The following SORCS1 variants were observed in gnomAD, a reference collection of about 807,000 sequenced individuals.
The protein encoded by SORCS1 is sortilin related VPS10 domain containing receptor 1.
In SORCS1, 60 loss-of-function variants were observed where a neutral mutation model predicts 146.1. The observed-to-expected ratio is 0.41, with a 90% CI of 0.33 to 0.51. The LOEUF (loss-of-function observed/expected upper bound fraction) is 0.51. Among genes scored for constraint, SORCS1 ranks in the 20% least tolerant of loss-of-function variants. The pLI is 0.21. For missense variants in SORCS1, 1,352 were observed against 1,487.6 expected (o/e 0.91, Z 1.50); for synonymous variants, 637 against 584.0 (o/e 1.09, Z -1.31).
At chr10:106,802,168 G>A (rs948574280) in intron 3 of SORCS1, among the ~76,000 whole-genome samples, 1 of 152,136 alleles carries the variant, frequency 6.6e-6, no homozygotes, top group African/African-American at 2.4e-5. Context: ...GTCCCAAAAA[G>A]AGCATACATA....
intron 2 of SORCS1, among the ~76,000 whole-genome samples, chr10:106,947,177 A>T (rs1466885897): frequency 1.3e-5 from 2 of 152,250 alleles, no homozygotes; most frequent in Admixed American, 1.3e-4. Context: ...AAGCCTGGGG[A>T]AATCTGCAAA....
At chr10:106,871,388 G>A (rs189525810) in intron 2 of SORCS1, among the ~76,000 whole-genome samples, 1 of 152,232 alleles carries the variant, frequency 6.6e-6, no homozygotes, top group Non-Finnish European at 1.5e-5. Flanking sequence ...CCATTACTGG[G>A]AATCCCATTA....
At chr10:106,819,278 TA>T (rs1469820849) in intron 3 of SORCS1, among the ~76,000 whole-genome samples, 4 of 152,212 alleles carry the variant, frequency 2.6e-5, no homozygotes, top group Non-Finnish European at 5.9e-5. Flanking sequence ...TGCAGGGGTT[TA>T]CAACAAATAA....
chr10:106,688,203 G>A lies in SORCS1; in HGVS notation c.1549C>T (p.His517Tyr). ...PDTDLRGDPV[H>Y]CLLPYCSLHL... The stretch of plus-strand genomic sequence containing the variant: ...ATAGGAAGACTCACCAGCAAGCAGT[G>A]CACGGGGTCCCCCCTTAGATCCGTG... The change falls in exon 10 of 26, where the codon CAC becomes TAC. Residue 517 changes from histidine (H) to tyrosine (Y), a missense_variant. Physicochemically the swap from His to Tyr is moderately conservative, Grantham distance 83 (BLOSUM62 2). Transcript: ENST00000263054. The A allele has an allele frequency of 6.2e-7, 1 of 1,613,654 alleles. No individual in the cohort carries two copies. The highest frequency in any genetic ancestry group is 8.5e-7 in the Non-Finnish European group (1 of 1,179,760).
intron 1 of SORCS1, among the ~76,000 whole-genome samples, chr10:106,968,102 C>T (rs560567250): frequency 5.9e-4 from 90 of 151,288 alleles, no homozygotes; most frequent in Admixed American, 1.4e-3. Context: ...CCCAGTTACT[C>T]GGGAGGCTGA....
chr10:106,728,521 T>C (rs1564904652), intron 6 of SORCS1, among the ~76,000 whole-genome samples: 2 of 152,092 alleles, frequency 1.3e-5, no homozygotes, highest in Non-Finnish European at 2.9e-5. Context: ...TCAGCCTTGA[T>C]CCCTAACCTG....
chr10:106,840,111 T>G (rs567824893), intron 2 of SORCS1, among the ~76,000 whole-genome samples: 4 of 152,350 alleles, frequency 2.6e-5, no homozygotes, highest in African/African-American at 9.6e-5. Flanking sequence ...TTAAGTAGTA[T>G]TATTTAAGAA....
In SORCS1 at chr10:106,895,214, G is replaced by T. The variant is rs75432862; in HGVS notation, c.626+61299C>A. 3.2e-3 allele frequency among the ~76,000 whole-genome samples: 485 copies of T among 152,236 alleles called. 3 individuals are homozygous for T. Among genetic ancestry groups the T allele is most frequent in the African/African-American group, 0.011 (455 of 41,554 alleles). Reference sequence around the variant, plus strand: ...GTTTTGAAACATCTGGAATTCCTAGGAAATGATATGAAACAGCTGTGCTAG... The same window carrying T: ...GTTTTGAAACATCTGGAATTCCTAGTAAATGATATGAAACAGCTGTGCTAG... On this transcript the variant is annotated intron_variant, in intron 2 of 25. Transcript: ENST00000263054.
At chr10:107,088,216 TTG>T (rs1963913686) in intron 1 of SORCS1, among the ~76,000 whole-genome samples, 8 of 152,028 alleles carry the variant, frequency 5.3e-5, no homozygotes, top group Admixed American at 5.2e-4. Context: ...AGGCTTGATT[TTG>T]TTGTTGTTGT....
intron 1 of SORCS1, among the ~76,000 whole-genome samples, chr10:106,981,678 C>A (rs1298247190): frequency 5.9e-5 from 9 of 152,028 alleles, no homozygotes; most frequent in Admixed American, 5.9e-4. Context: ...TTTTTCTCGT[C>A]TCCAACAATA....
chr10:106,920,665 A>G (rs1952669024), intron 2 of SORCS1, among the ~76,000 whole-genome samples: 1 of 152,148 alleles, frequency 6.6e-6, no homozygotes, highest in South Asian at 2.1e-4. Context: ...AAAGCAAGAG[A>G]GAAAAGCGTG....
chr10:106,945,988 A>G (rs554201430), intron 2 of SORCS1, among the ~76,000 whole-genome samples: 1 of 152,314 alleles, frequency 6.6e-6, no homozygotes, highest in South Asian at 2.1e-4. Flanking sequence ...AGCTCTGTGG[A>G]AATAACAGAT....
At chr10:106,965,429 T>C (rs778360778) in intron 1 of SORCS1, among the ~76,000 whole-genome samples, 14 of 152,186 alleles carry the variant, frequency 9.2e-5, no homozygotes, top group Non-Finnish European at 1.8e-4. Context: ...AGGTGGGTTC[T>C]GCCAGCAAAG....
At chr10:107,108,801 C>A (rs1449454241) in intron 1 of SORCS1, among the ~76,000 whole-genome samples, 2 of 152,040 alleles carry the variant, frequency 1.3e-5, no homozygotes, top group African/African-American at 2.4e-5. Flanking sequence ...TACTTATGAG[C>A]CTGTAACATA....
chr10:106,998,831 G>T (rs944059076), intron 1 of SORCS1, among the ~76,000 whole-genome samples: 33 of 152,174 alleles, frequency 2.2e-4, no homozygotes, highest in African/African-American at 8.0e-4. Flanking sequence ...ACTTTGCAAA[G>T]ATTAATTTCT....
At chr10:106,646,493 C>T (rs1373062504) in intron 18 of SORCS1, among the ~76,000 whole-genome samples, 1 of 151,666 alleles carries the variant, frequency 6.6e-6, no homozygotes, top group East Asian at 2.0e-4. Context: ...TTTAGGAGTT[C>T]GAGACGAGCC....
chr10:106,826,026 G>A (rs576513796), intron 3 of SORCS1, among the ~76,000 whole-genome samples: 10 of 152,304 alleles, frequency 6.6e-5, no homozygotes, highest in Non-Finnish European at 1.5e-4. Context: ...GGAAACAGTC[G>A]ATGGATGATC....
intron 16 of SORCS1, among the ~76,000 whole-genome samples, chr10:106,668,392 C>G (rs1313669963): frequency 6.6e-6 from 1 of 152,198 alleles, no homozygotes; most frequent in Non-Finnish European, 1.5e-5. Context: ...TTAGCGCTGC[C>G]ACTTGGGACT....
At chr10:107,108,197 A>C (rs1965433152) in intron 1 of SORCS1, among the ~76,000 whole-genome samples, 1 of 152,212 alleles carries the variant, frequency 6.6e-6, no homozygotes, top group African/African-American at 2.4e-5. Flanking sequence ...TGCAGACCTT[A>C]GTCTCAGCTG....
Sources: allele counts gnomAD v4.1 joint callset (sites outside exome capture counted in the v4.1 genomes callset), GRCh38; gene constraint gnomAD v4.1.1; transcripts MANE v1.5; gene names NCBI Gene and HGNC (gene_info 2026-07-23, HGNC 2026-07-21).